Variants in NPTN observed in about 807,000 individuals in gnomAD.
The protein encoded by NPTN is SDR-1.
A neutral mutation model predicts 42.7 loss-of-function variants in NPTN; 5 were observed. The ratio of observed to expected loss-of-function variants is 0.12; its 90% confidence interval spans 0.06 to 0.25. The LOEUF is 0.25. NPTN is among the 10% of genes least tolerant of loss of function. NPTN has a pLI of 1.00. For synonymous variants in NPTN, 180 were observed against 201.9 expected, an observed-to-expected ratio of 0.89 and a Z score of 0.92; for missense variants, 307 against 525.4, an observed-to-expected ratio of 0.58 and a Z score of 4.06.
intron 1 of NPTN, among the ~76,000 whole-genome samples, chr15:73,604,304 A>C (rs2141422568): frequency 6.6e-6 from 1 of 152,226 alleles, no homozygotes; most frequent in African/African-American, 2.4e-5. Context: ...TCTCTTCAAA[A>C]AATTAGCCAG....
intron 6 of NPTN, 38 bp from the exon 7 acceptor site, chr15:73,563,295 T>G (rs774917723): frequency 1.2e-6 from 2 of 1,611,870 alleles, no homozygotes; most frequent in Non-Finnish European, 1.7e-6. Context: ...CCATGAGAGA[T>G]AAGAGAAGAA....
chr15:73,633,072 C>A, intron 1 of NPTN, 53 bp downstream of exon 1: 1 of 1,256,554 alleles, frequency 8.0e-7, no homozygotes, highest in Non-Finnish European at 1.0e-6. Context: ...GGGCCCCCTC[C>A]GGCCCCGGCG....
chr15:73,587,423 G>C (rs117374072), intron 4 of NPTN, 101 bp downstream of exon 4: 11,712 of 824,236 alleles, frequency 0.014, 111 homozygotes, highest in Middle Eastern at 0.04. Context: ...ATTGTGTCTC[G>C]ACATGGAAAG....
chr15:73,607,094 G>A (rs1487738548), intron 1 of NPTN, among the ~76,000 whole-genome samples: 1 of 152,066 alleles, frequency 6.6e-6, no homozygotes, highest in East Asian at 1.9e-4. Context: ...ACCCCCACCT[G>A]CCTATGCTGT....
chr15:73,592,034 G>T lies in NPTN; in HGVS notation c.543C>A (p.Tyr181Ter). 1 of 1,614,120 alleles carries T rather than the reference G, an allele frequency of 6.2e-7. No homozygotes were observed. The highest frequency in any genetic ancestry group is 1.3e-5 in the African/African-American group (1 of 75,032). ...CCACCCCATTCTTTGTCCAGTAGCT[G>T]TATGTAAGGGTGTGAGAGCTGGAGG... ...NLTSSSHTLT[Y>*]SYWTKNGVEL... The change falls in exon 3 of 9, where the codon TAC (tyrosine) becomes TAA (stop). Residue 181 changes from tyrosine to a stop codon, truncating the protein, a stop_gained. Coordinates refer to ENST00000345330, the MANE Select transcript of NPTN (RefSeq NM_012428.4). LOFTEE classifies it high-confidence loss of function.
chr15:73,595,610 TA>T (rs1166189352), intron 2 of NPTN, among the ~76,000 whole-genome samples: 1 of 152,220 alleles, frequency 6.6e-6, no homozygotes, highest in Admixed American at 6.5e-5. Context: ...CTCATCAAAG[TA>T]AGATTTTACT....
At chr15:73,561,583 G>A (rs1453721560) in intron 8 of NPTN, among the ~76,000 whole-genome samples, 1 of 152,108 alleles carries the variant, frequency 6.6e-6, no homozygotes, top group Non-Finnish European at 1.5e-5. Flanking sequence ...AGGAGGCTGG[G>A]GCAGGAGAAT....
At chr15:73,627,969 G>C (rs562492320) in intron 1 of NPTN, among the ~76,000 whole-genome samples, 9 of 151,080 alleles carry the variant, frequency 6.0e-5, no homozygotes, top group African/African-American at 2.2e-4. Flanking sequence ...CTGTCTTCCC[G>C]AAGTTAATCC....
At chr15:73,580,642 T>C (rs1895993922) in intron 4 of NPTN, among the ~76,000 whole-genome samples, 1 of 147,870 alleles carries the variant, frequency 6.8e-6, no homozygotes, top group South Asian at 2.1e-4. Flanking sequence ...TATATACATG[T>C]TATATATGTA....
In NPTN at chr15:73,580,410, AAT is replaced by A. The variant is rs1491283581; in HGVS notation, c.707-6617_707-6616del. On this transcript the variant is annotated intron_variant, in intron 4 of 8. Transcript: ENST00000345330. ...TTTAAAATATATATATTATATATAT[AAT>A]ATATATATAATATATATATAATATA... 2.1e-3 allele frequency among the ~76,000 whole-genome samples: 208 copies of A among 100,704 alleles called. 2 individuals are homozygous for A. Among genetic ancestry groups the A allele is most frequent in the African/African-American group, 7.5e-3 (169 of 22,478 alleles). 66.1% of individuals were successfully genotyped at this position (100,704 alleles called of 152,430 possible).
At chr15:73,575,468 C>G (rs1256403598) in intron 4 of NPTN, among the ~76,000 whole-genome samples, 8 of 152,254 alleles carry the variant, frequency 5.3e-5, no homozygotes. Flanking sequence ...GGATGTCACT[C>G]TGTTATCCAA....
chr15:73,619,075 A>AC (rs1243367660), intron 1 of NPTN, among the ~76,000 whole-genome samples: 1 of 151,808 alleles, frequency 6.6e-6, no homozygotes, highest in Non-Finnish European at 1.5e-5. Context: ...AAAAAAAAAA[A>AC]AAAAAATAGT....
chr15:73,588,862 ATGT>A (rs751554878), intron 3 of NPTN, among the ~76,000 whole-genome samples: 3 of 152,220 alleles, frequency 2.0e-5, no homozygotes, highest in Non-Finnish European at 4.4e-5. Context: ...ACCAAGTTCT[ATGT>A]GGATAGGCAC....
chr15:73,632,109 T>C (rs1898779383), intron 1 of NPTN, among the ~76,000 whole-genome samples: 1 of 152,164 alleles, frequency 6.6e-6, no homozygotes, highest in South Asian at 2.1e-4. Context: ...GTTGCAGCTA[T>C]GTGTCCCTGT....
chr15:73,573,842 C>T, intron 4 of NPTN, 47 bp from the exon 5 acceptor site: 1 of 1,598,712 alleles, frequency 6.3e-7, no homozygotes. Context: ...CTACTCCAAA[C>T]AGGATACAAA....
chr15:73,577,463 A>G (rs1895759465), intron 4 of NPTN, among the ~76,000 whole-genome samples: 1 of 152,188 alleles, frequency 6.6e-6, no homozygotes, highest in Non-Finnish European at 1.5e-5. Flanking sequence ...TCTTACTTCT[A>G]ACCTCCAAGC....
chr15:73,621,215 A>G (rs1898126022), intron 1 of NPTN, among the ~76,000 whole-genome samples: 1 of 152,208 alleles, frequency 6.6e-6, no homozygotes, highest in Non-Finnish European at 1.5e-5. Context: ...AGCACACTAC[A>G]AAGATTACAG....
intron 1 of NPTN, among the ~76,000 whole-genome samples, chr15:73,611,457 C>T (rs1595954668): frequency 6.6e-6 from 1 of 152,090 alleles, no homozygotes; most frequent in Middle Eastern, 3.4e-3. Flanking sequence ...CAAGGAGAGA[C>T]CTTAAATGCA....
intron 4 of NPTN, among the ~76,000 whole-genome samples, chr15:73,581,753 GAT>G (rs993730154): frequency 6.6e-6 from 1 of 152,118 alleles, no homozygotes; most frequent in African/African-American, 2.4e-5. Flanking sequence ...CGTTTCAGAT[GAT>G]ATTAAATAAA....
Sources: allele counts gnomAD v4.1 joint callset (sites outside exome capture counted in the v4.1 genomes callset), GRCh38; gene constraint gnomAD v4.1.1; transcripts MANE v1.5; gene names NCBI Gene and HGNC (gene_info 2026-07-23, HGNC 2026-07-21).